The following CRISP2 variants were observed in gnomAD, a reference collection of about 807,000 sequenced individuals.
CRISP2 encodes the protein cysteine-rich secretory protein 2.
CRISP2 carries 29 observed loss-of-function variants against 31.7 expected under a neutral mutation model. The ratio of observed to expected loss-of-function variants is 0.92; its 90% CI spans 0.68 to 1.25. The LOEUF (loss-of-function observed/expected upper bound fraction) is 1.25. Among genes scored for constraint, CRISP2 ranks in the 50% most tolerant of loss-of-function variants. The probability of loss-of-function intolerance (pLI) is 0.00; values close to 1 mark genes in which losing one functional copy is unlikely to be tolerated. For synonymous variants in CRISP2, 111 were observed against 101.4 expected, an observed-to-expected ratio of 1.09 and a Z score of -0.57; for missense variants, 318 against 286.5, an observed-to-expected ratio of 1.11 and a Z score of -0.79.
chr6:49,710,757 G>A (rs1224985891), intron 3 of CRISP2, among the ~76,000 whole-genome samples: 2 of 152,106 alleles, frequency 1.3e-5, no homozygotes, highest in Non-Finnish European at 2.9e-5. Flanking sequence ...TAATATTGCT[G>A]TAATTTACCT....
At chr6:49,713,572 C>A (rs1768418640), upstream of CRISP2, 1 of 152,260 alleles carries the variant, frequency 6.6e-6, no homozygotes, top group African/African-American at 2.4e-5. Context: ...CGATTGTTCA[C>A]TTGCCAGGCG....
At chr6:49,692,966 A>T in intron 9 of CRISP2, 66 bp from the exon 10 acceptor site, 1 of 1,565,292 alleles carries the variant, frequency 6.4e-7, no homozygotes, top group Non-Finnish European at 8.8e-7. Flanking sequence ...CCATACATTC[A>T]AAGTGTGTGG....
intron 4 of CRISP2, among the ~76,000 whole-genome samples, chr6:49,702,161 A>G (rs1449948967): frequency 8.4e-6 from 1 of 119,154 alleles, no homozygotes; most frequent in African/African-American, 3.0e-5. Flanking sequence ...ATATATATAT[A>G]TATATATATA....
intron 4 of CRISP2, among the ~76,000 whole-genome samples, chr6:49,702,140 T>TATATATATATATATGTGTAC (rs1766129102): frequency 7.8e-3 from 1 of 128 alleles, no homozygotes; most frequent in Non-Finnish European, 0.013. Flanking sequence ...ATATGTGTAC[T>TATATATATATATATGTGTAC]ATATATATAT....
Position 49,699,910 on chromosome 6 carries a change from C to T in CRISP2, c.184-19G>A. 1 of 1,604,570 alleles carries T rather than the reference C, an allele frequency of 6.2e-7. No homozygotes were observed. On this transcript the variant is annotated intron_variant, in intron 5 of 9. Transcript: ENST00000339139. ...TCCATTCCTAAACGTCACAAGAAAA[C>T]AAAATACACTTAATGATTCAGCCAC...
intron 4 of CRISP2, among the ~76,000 whole-genome samples, chr6:49,707,118 G>C (rs918120903): frequency 1.3e-5 from 2 of 152,110 alleles, no homozygotes; most frequent in Non-Finnish European, 2.9e-5. Context: ...TACTGAAAAA[G>C]AGATGTATTT....
the CRISP2 span, among the ~76,000 whole-genome samples, chr6:49,677,860 A>G: frequency 1.3e-5 from 2 of 152,194 alleles, no homozygotes; most frequent in Non-Finnish European, 2.9e-5. Flanking sequence ...GAAGGCAAAT[A>G]TAATTATAGT....
rs772737346 is a variant in CRISP2 at position 49,712,603 on chromosome 6, C to T, written c.-149G>A. The T allele has an allele frequency of 8.6e-5, 13 of 151,812 alleles. No individual in the cohort carries two copies. Among genetic ancestry groups the T allele is most frequent in the Non-Finnish European group, 5.9e-5 (4 of 67,974 alleles). 9.4% of individuals were successfully genotyped at this position (151,812 alleles called of 1,614,324 possible). A position where few individuals can be genotyped will look rare whatever the true frequency, so the allele number is the denominator to read the frequency against. On this transcript the variant is annotated splice_region_variant and 5_prime_UTR_variant, in exon 2 of 10. Transcript: ENST00000339139. ...AGGGCCATGGTGTATAATTTTATAA[C>T]CCTAGAACAAGGAAACAAAATATTT...
chr6:49,698,205 G>A (rs141042824), intron 7 of CRISP2, among the ~76,000 whole-genome samples, 157 bp downstream of exon 7: 38 of 152,212 alleles, frequency 2.5e-4, no homozygotes, highest in Admixed American at 5.9e-4. Flanking sequence ...GGCTGACCAT[G>A]GACAAAAATG....
chr6:49,683,722 TAG>T, the CRISP2 span, among the ~76,000 whole-genome samples: 8 of 108,914 alleles, frequency 7.3e-5, no homozygotes, highest in African/African-American at 2.7e-4. Flanking sequence ...TATATATATA[TAG>T]AAGTTGATAG....
At chr6:49,698,650 T>C in intron 6 of CRISP2, 143 bp from the exon 7 acceptor site, 1 of 818,390 alleles carries the variant, frequency 1.2e-6, no homozygotes. Context: ...AGTGCCTCAG[T>C]TCCTTATCAG....
intron 3 of CRISP2, among the ~76,000 whole-genome samples, chr6:49,709,900 T>C (rs1355030345): frequency 6.6e-6 from 1 of 152,200 alleles, no homozygotes; most frequent in Non-Finnish European, 1.5e-5. Flanking sequence ...CATTATCTCC[T>C]AAAAAGACAC....
At chr6:49,686,499 T>C in the CRISP2 span, among the ~76,000 whole-genome samples, 1 of 152,152 alleles carries the variant, frequency 6.6e-6, no homozygotes, top group Admixed American at 6.5e-5. Flanking sequence ...AAACCCACAA[T>C]GAGATACCAT....
chr6:49,714,172 C>T (rs1204514860), upstream of CRISP2, among the ~76,000 whole-genome samples: 1 of 152,218 alleles, frequency 6.6e-6, no homozygotes, highest in Non-Finnish European at 1.5e-5. Context: ...TGTTTTCTCT[C>T]TCAGAAGGCG....
chr6:49,702,148 T>TATATATATGTGTAC lies in CRISP2; in HGVS notation c.67-1365_67-1364insGTACACATATATAT, dbSNP rs1561878999. Among the ~76,000 whole-genome samples, 14 of 33,850 alleles carry TATATATATGTGTAC rather than the reference T, an allele frequency of 4.1e-4. 1 individual carries two copies. Among genetic ancestry groups the TATATATATGTGTAC allele is most frequent in the African/African-American group, 3.4e-3 (13 of 3,834 alleles). The allele number at this position is 33,850 out of a possible 152,430, so 22.2% of individuals were successfully genotyped here. On this transcript the variant is annotated intron_variant, in intron 4 of 9. Transcript: ENST00000339139. ...ATTATATATATGTGTACTATATATA[T>TATATATATGTGTAC]ATATATATATATATATATATATATA... is the stretch of plus-strand genomic sequence containing the variant.
rs1372261410 is a variant in CRISP2, at chr6:49,692,473, A to G, written c.*300T>C. 1 of 209,624 alleles carries G rather than the reference A, an allele frequency of 4.8e-6. No homozygotes were observed. Among genetic ancestry groups the G allele is most frequent in the Non-Finnish European group, 9.5e-6 (1 of 105,380 alleles). 13.0% of individuals were successfully genotyped at this position (209,624 alleles called of 1,614,324 possible). A position where few individuals can be genotyped will look rare whatever the true frequency, so the allele number is the denominator to read the frequency against. On this transcript the variant is annotated 3_prime_UTR_variant, in exon 10 of 10. Transcript: ENST00000339139. ...TGTTTCAGGAAATACGTAATGCACC[A>G]TTTTGATCCAAAGTCCTAGTGACCT... is the stretch of plus-strand genomic sequence containing the variant.
At chr6:49,706,987 G>A (rs1333867982) in intron 4 of CRISP2, among the ~76,000 whole-genome samples, 1 of 151,850 alleles carries the variant, frequency 6.6e-6, no homozygotes, top group Non-Finnish European at 1.5e-5. Context: ...TAACATCCCT[G>A]GATATTTTCT....
At chr6:49,698,225 C>T in intron 7 of CRISP2, 137 bp downstream of exon 7, 1 of 1,026,124 alleles carries the variant, frequency 9.7e-7, no homozygotes, top group Non-Finnish European at 1.4e-6. Context: ...GACAGCTCTA[C>T]AACAGCCAAA....
the CRISP2 span, among the ~76,000 whole-genome samples, chr6:49,680,077 T>C: frequency 6.6e-6 from 1 of 152,148 alleles, no homozygotes; most frequent in African/African-American, 2.4e-5. Flanking sequence ...AGCAGTTTGT[T>C]GTACAGATTA....
Sources: gnomAD v4.1 joint callset for allele counts (sites outside exome capture counted in the v4.1 genomes callset) on GRCh38, gnomAD v4.1.1 for gene constraint, MANE v1.5 for transcripts, NCBI Gene and HGNC (gene_info 2026-07-23, HGNC 2026-07-21) for gene names.